TFEC: variants seen among roughly 807,000 people sequenced by gnomAD.
TFEC encodes class E basic helix-loop-helix protein 34.
In TFEC, 31 loss-of-function variants were observed where a neutral mutation model predicts 41.6. The observed-to-expected ratio is 0.74, with a 90% CI of 0.56 to 1.01. The LOEUF (loss-of-function observed/expected upper bound fraction) is 1.01, where lower values mean the gene tolerates loss of function less well. Ranked by LOEUF, TFEC falls within the 50% of genes least tolerant of loss-of-function variation. The probability of loss-of-function intolerance (pLI) is 0.00; values close to 1 mark genes in which losing one functional copy is unlikely to be tolerated. For missense variants in TFEC, 402 were observed against 404.1 expected (o/e 0.99, Z 0.04); for synonymous variants, 143 against 140.6 (o/e 1.02, Z -0.12).
At chr7:116,111,865 G>A (rs1350439340) in intron 2 of TFEC, 6 of 301,416 alleles carry the variant, frequency 2.0e-5, no homozygotes, top group South Asian at 2.6e-4. Context: ...AACTCTGTTA[G>A]ATAAACTCTG....
Position 115,974,247 on chromosome 7 carries a change from C to T in TFEC, c.190G>A (p.Val64Ile), listed in dbSNP as rs746353090. The change falls in exon 3 of 8, where the codon GTT becomes ATT. Residue 64 changes from valine to isoleucine, a missense_variant. Physicochemically the swap from Val to Ile is conservative, Grantham distance 29. Coordinates refer to ENST00000265440, the MANE Select transcript of TFEC (RefSeq NM_012252.4). Reference sequence around the variant, plus strand: ...TCCATACCGATTATATCCTCAATAACGTCCTCCATCTAGCAAAATATAATA... The same window carrying T: ...TCCATACCGATTATATCCTCAATAATGTCCTCCATCTAGCAAAATATAATA... ...DDNAQWHMED[V>I]IEDIIGMESS... 26 of 1,587,854 alleles carry T rather than the reference C, an allele frequency of 1.6e-5. No homozygotes were observed. The highest frequency in any genetic ancestry group is 1.4e-4 in the Admixed American group (8 of 55,404).
At chr7:116,003,505 C>T (rs918866401) in intron 1 of TFEC, among the ~76,000 whole-genome samples, 9 of 152,078 alleles carry the variant, frequency 5.9e-5, no homozygotes, top group South Asian at 2.1e-4. Flanking sequence ...ACACAGGGAA[C>T]GGCAAGGAGA....
At position 116,082,905 on chromosome 7, in the gene TFEC, C is replaced by T. The variant is rs545211643; in HGVS notation, c.198+27803G>A. On this transcript the variant is annotated intron_variant, in intron 3 of 8. Transcript: ENST00000484212. ...GAATCACAAAACTAAATCTCCAACT[C>T]AGTCTATCTCCTGTAATACTTTACT... 1.4e-4 allele frequency among the ~76,000 whole-genome samples: 21 copies of T among 151,978 alleles called. 2 individuals carry two copies. The South Asian group carries it at 3.7e-3, about 27-fold the overall frequency.
chr7:116,119,141 C>A (rs2116189482), intron 1 of TFEC, among the ~76,000 whole-genome samples: 1 of 151,772 alleles, frequency 6.6e-6, no homozygotes, highest in Non-Finnish European at 1.5e-5. Flanking sequence ...TTTTTATATC[C>A]TTCAATAAAT....
intron 2 of TFEC, 81 bp from the exon 3 acceptor site, chr7:115,974,337 T>C: frequency 3.7e-6 from 4 of 1,078,002 alleles, no homozygotes; most frequent in Non-Finnish European, 4.9e-6. Flanking sequence ...AGAAAAATTC[T>C]AGCAATCTTT....
At chr7:116,123,004 C>T (rs920489083) in intron 1 of TFEC, among the ~76,000 whole-genome samples, 1 of 152,010 alleles carries the variant, frequency 6.6e-6, no homozygotes, top group African/African-American at 2.4e-5. Flanking sequence ...ACCAATCCCC[C>T]CATCTTACTT....
intron 3 of TFEC, among the ~76,000 whole-genome samples, chr7:116,097,665 A>G (rs1797499462): frequency 6.6e-6 from 1 of 152,182 alleles, no homozygotes; most frequent in Non-Finnish European, 1.5e-5. Flanking sequence ...AGAATGGAGC[A>G]CAATTCAAAC....
chr7:116,020,602 T>C (rs1795359459), intron 1 of TFEC, among the ~76,000 whole-genome samples: 1 of 152,192 alleles, frequency 6.6e-6, no homozygotes, highest in South Asian at 2.1e-4. Flanking sequence ...AAAGCAAAGC[T>C]AACATGTTTC....
At chr7:116,011,764 G>T (rs987828148) in intron 1 of TFEC, among the ~76,000 whole-genome samples, 5 of 152,088 alleles carry the variant, frequency 3.3e-5, no homozygotes, top group African/African-American at 1.2e-4. Context: ...CTCATCAATG[G>T]CTTGGTGCTA....
At chr7:116,057,321 C>A (rs77637494) in intron 3 of TFEC, among the ~76,000 whole-genome samples, 1 of 151,928 alleles carries the variant, frequency 6.6e-6, no homozygotes, top group African/African-American at 2.4e-5. Flanking sequence ...AAATTAACTC[C>A]AAGCCCTAAA....
intron 3 of TFEC, among the ~76,000 whole-genome samples, chr7:116,040,069 A>G (rs17302143): frequency 0.17 from 26,592 of 152,084 alleles, 2,430 homozygotes; most frequent in East Asian, 0.33. Context: ...TTTCTTAGGG[A>G]TAACTCATAC....
rs578195868 is a variant in TFEC, at chr7:116,055,266, A to T, written c.198+55442T>A. Among the ~76,000 whole-genome samples, 95 of 152,248 alleles carry T rather than the reference A, an allele frequency of 6.2e-4. 1 individual carries two copies. Among genetic ancestry groups the T allele is most frequent in the African/African-American group, 2.2e-3 (90 of 41,574 alleles). ...CAAATTTAGCATTGTGTTTGAAGTT[A>T]TGCTTTTAAAAGTAATAGGTCCCAC... On this transcript the variant is annotated intron_variant, in intron 3 of 8. Coordinates refer to the TFEC transcript ENST00000484212.
intron 6 of TFEC, among the ~76,000 whole-genome samples, chr7:115,944,790 C>T (rs1412822964): frequency 6.6e-6 from 1 of 151,142 alleles, no homozygotes; most frequent in Non-Finnish European, 1.5e-5. Flanking sequence ...CTTTCAAATG[C>T]ATCTGTCATA....
At chr7:115,978,563 C>T (rs981311890) in intron 2 of TFEC, among the ~76,000 whole-genome samples, 2 of 152,160 alleles carry the variant, frequency 1.3e-5, no homozygotes, top group African/African-American at 4.8e-5. Context: ...ACCTTTCTGT[C>T]CAACTATCCC....
At chr7:116,127,933 T>C (rs1424274141) in intron 1 of TFEC, among the ~76,000 whole-genome samples, 1 of 152,184 alleles carries the variant, frequency 6.6e-6, no homozygotes. Context: ...ACTCTTTTTT[T>C]AATCCATCTA....
chr7:115,953,003 T>A (rs1038740244), intron 5 of TFEC, among the ~76,000 whole-genome samples: 1 of 152,060 alleles, frequency 6.6e-6, no homozygotes, highest in East Asian at 1.9e-4. Context: ...CCTGGGTCCA[T>A]CCTCCTGAAG....
At chr7:116,083,061 T>C (rs1485484314) in intron 3 of TFEC, among the ~76,000 whole-genome samples, 1 of 151,928 alleles carries the variant, frequency 6.6e-6, no homozygotes, top group African/African-American at 2.4e-5. Context: ...GTAAGACTTT[T>C]AGTAAAATTC....
chr7:116,056,360 C>T (rs1436518929), intron 3 of TFEC, among the ~76,000 whole-genome samples: 1 of 152,016 alleles, frequency 6.6e-6, no homozygotes, highest in Non-Finnish European at 1.5e-5. Flanking sequence ...AGACAGTATA[C>T]CAAGATGGAA....
At chr7:116,106,288 G>T (rs917350467) in intron 3 of TFEC, among the ~76,000 whole-genome samples, 10 of 152,194 alleles carry the variant, frequency 6.6e-5, no homozygotes, top group African/African-American at 2.4e-4. Context: ...TTATCACAGT[G>T]TAAGTCTCTA....
Sources: allele counts gnomAD v4.1 joint callset (sites outside exome capture counted in the v4.1 genomes callset), GRCh38; gene constraint gnomAD v4.1.1; transcripts MANE v1.5; gene names NCBI Gene and HGNC (gene_info 2026-07-23, HGNC 2026-07-21).